Variants in COL6A3 observed in about 807,000 individuals in gnomAD.
The protein encoded by COL6A3 is collagen alpha-3(VI) chain.
Under a neutral mutation model 274.1 loss-of-function variants are expected in COL6A3, and 137 were observed. The ratio of observed to expected loss-of-function variants is 0.50; its 90% CI spans 0.44 to 0.58. The LOEUF is 0.58. Ranked by LOEUF, COL6A3 falls within the 20% of genes least tolerant of loss-of-function variation. COL6A3 has a pLI of 0.00. For synonymous variants in COL6A3, 1,650 were observed against 1,650.6 expected (o/e 1.00, Z 0.01); for missense variants, 3,950 against 4,124.9 (o/e 0.96, Z 1.16).
intron 42 of COL6A3, among the ~76,000 whole-genome samples, chr2:237,331,772 C>T (rs1700240243): frequency 6.6e-6 from 1 of 150,624 alleles, no homozygotes; most frequent in South Asian, 2.1e-4. Context: ...AAGGAAAACA[C>T]ACATATGCAT....
intron 3 of COL6A3, among the ~76,000 whole-genome samples, chr2:237,394,204 C>T (rs758980030): frequency 6.6e-6 from 1 of 152,196 alleles, no homozygotes; most frequent in African/African-American, 2.4e-5. Flanking sequence ...ACGCACTCTC[C>T]AACAGGGAGC....
intron 11 of COL6A3, 118 bp downstream of exon 11, chr2:237,366,569 A>C: frequency 6.7e-7 from 1 of 1,499,672 alleles, no homozygotes; most frequent in Non-Finnish European, 9.3e-7. Flanking sequence ...GGTATAAGTA[A>C]ATGTATGAAG....
At position 237,378,947 on chromosome 2, in the gene COL6A3, T is replaced by C; in HGVS notation, c.2186A>G (p.Asn729Ser). ...TGSALSYVYA[N>S]HFTEAGGSRI... ...GCTGCCGCCAGCTTCCGTGAAGTGG[T>C]TGGCATAGACATAGCTTAGGGCTGA... The change falls in exon 6 of 44, where the codon AAC becomes AGC. Residue 729 changes from asparagine to serine, a missense_variant. Physicochemically the swap from Asn to Ser is conservative, Grantham distance 46. Coordinates refer to ENST00000295550, the MANE Select transcript of COL6A3 (RefSeq NM_004369.4). 1.2e-6 allele frequency: 2 copies of C among 1,614,208 alleles called. No homozygotes were observed. Among genetic ancestry groups the C allele is most frequent in the South Asian group, 1.1e-5 (1 of 91,082 alleles).
Position 237,368,790 on chromosome 2 carries a change from C to G in COL6A3, c.4673G>C (p.Arg1558Thr), listed in dbSNP as rs761417401. Residue 1558 changes from arginine to threonine, a missense_variant, in exon 10 of 44, where the codon AGG becomes ACG. By Grantham distance (71) the Arg-to-Thr change is moderately conservative (BLOSUM62 -1). Transcript: ENST00000295550. This position sits in a 1 kb window ranked among gnomAD's most constrained non-coding sequence, Gnocchi z 4.4. ...LGGKSQDDVS[R>T]FAQVIRSSGI... ...CGAGGAACGGATCACCTGGGCGAACCTGGACACATCGTCCTGGGATTTTCC... is the reference window on the plus strand; with the variant it reads ...CGAGGAACGGATCACCTGGGCGAACGTGGACACATCGTCCTGGGATTTTCC... 1 of 1,614,182 alleles carries G rather than the reference C, an allele frequency of 6.2e-7. No individual in the cohort carries two copies. Among genetic ancestry groups the G allele is most frequent in the Non-Finnish European group, 8.5e-7 (1 of 1,180,020 alleles).
At chr2:237,335,987 C>A (rs1198409819) in intron 40 of COL6A3, 148 bp downstream of exon 40, 5 of 1,022,830 alleles carry the variant, frequency 4.9e-6, no homozygotes, top group Non-Finnish European at 5.7e-6. Context: ...AATCCCTAAC[C>A]AACACCTCTT....
At chr2:237,337,397 A>G (rs1202173703) in intron 39 of COL6A3, among the ~76,000 whole-genome samples, 2 of 152,186 alleles carry the variant, frequency 1.3e-5, no homozygotes, top group African/African-American at 2.4e-5. Context: ...TGCCACGATA[A>G]GGGTCCTAGT....
At chr2:237,387,288 C>CGGTG (rs2078167697) in intron 4 of COL6A3, among the ~76,000 whole-genome samples, 2 of 152,300 alleles carry the variant, frequency 1.3e-5, no homozygotes, top group South Asian at 4.1e-4. Flanking sequence ...GTAGTTAATA[C>CGGTG]GGTGATGTTT....
rs1368065977 is a variant in COL6A3, at chr2:237,340,961, C to A, written c.7955G>T (p.Ser2652Ile). Residue 2652 changes from serine to isoleucine, a missense_variant, in exon 38 of 44, where the codon AGC (serine) becomes ATC (isoleucine). Physicochemically the swap from Ser to Ile is moderately radical, Grantham distance 142. This residue lies in a region of COL6A3 where 1,284 missense variants were observed against 1,349.7 expected (regional missense o/e 0.95). Transcript: ENST00000295550. ...GTGCTGGGAGGCCTTGGGATCTGGGCTCATGTCCAGTTGTCTGACCAGGTA... is the reference window on the plus strand; with the variant it reads ...GTGCTGGGAGGCCTTGGGATCTGGGATCATGTCCAGTTGTCTGACCAGGTA... ...IAYLVRQLDM[S>I]PDPKASQHFA... is the part of the protein sequence containing the mutation. 2 of 1,614,012 alleles carry A rather than the reference C, an allele frequency of 1.2e-6. No homozygotes were observed. The highest frequency in any genetic ancestry group is 4.5e-5 in the East Asian group (2 of 44,876).
At chr2:237,379,299 C>A in intron 5 of COL6A3, 64 bp from the exon 6 acceptor site, 4 of 1,595,256 alleles carry the variant, frequency 2.5e-6, no homozygotes, top group Non-Finnish European at 3.4e-6. Flanking sequence ...ATCATGTGTG[C>A]CTACAACACG....
chr2:237,355,067 C>A, intron 23 of COL6A3, 133 bp from the exon 24 acceptor site: 2 of 825,832 alleles, frequency 2.4e-6, no homozygotes, highest in Non-Finnish European at 4.0e-6. Context: ...CCACATCGTG[C>A]CAAGAACCAG....
chr2:237,379,390 G>A (rs1018893294), intron 5 of COL6A3, among the ~76,000 whole-genome samples, 155 bp from the exon 6 acceptor site: 1 of 152,186 alleles, frequency 6.6e-6, no homozygotes, highest in Non-Finnish European at 1.5e-5. Flanking sequence ...GCAGATGGCT[G>A]CATATTTTCC....
Position 237,368,934 on chromosome 2 carries a change from C to A in COL6A3, c.4529G>T (p.Gly1510Val), listed in dbSNP as rs750636146. 4 of 1,614,090 alleles carry A rather than the reference C, an allele frequency of 2.5e-6. No individual in the cohort carries two copies. Among genetic ancestry groups the A allele is most frequent in the African/African-American group, 2.7e-5 (2 of 74,932 alleles). Residue 1510 changes from glycine to valine, a missense_variant, in exon 10 of 44, where the codon GGG becomes GTG. Around this residue, in one of 5 missense-constraint regions of COL6A3, gnomAD observed 1,934 missense variants for 1,984.3 expected, o/e 0.97. Transcript: ENST00000295550. This position sits in a 1 kb window ranked among gnomAD's most constrained non-coding sequence, Gnocchi z 4.4. ...LDAIRRLRLRGGSPLNTGKAL... is the reference protein window; with the variant it reads ...LDAIRRLRLRVGSPLNTGKAL... The stretch of plus-strand genomic sequence containing the variant: ...CTTGCCAGTGTTCAGTGGGGACCCC[C>A]CTCTGAGCCTCAGGCGCCGTATGGC...
chr2:237,387,201 A>G (rs1344219601), intron 4 of COL6A3, among the ~76,000 whole-genome samples: 1 of 152,170 alleles, frequency 6.6e-6, no homozygotes, highest in African/African-American at 2.4e-5. Context: ...TTAGAGCTCA[A>G]TGCCATAGTC....
intron 7 of COL6A3, 146 bp from the exon 8 acceptor site, chr2:237,375,166 T>A: frequency 8.0e-7 from 1 of 1,257,348 alleles, no homozygotes; most frequent in Non-Finnish European, 1.1e-6. Context: ...GTGATTCAGG[T>A]AAGGATTTGG....
Position 237,344,308 on chromosome 2 carries a change from C to T in COL6A3, c.7668+42G>A, listed in dbSNP as rs370911491. On this transcript the variant is annotated intron_variant, in intron 36 of 43. Coordinates refer to ENST00000295550, the MANE Select transcript of COL6A3 (RefSeq NM_004369.4). This position sits in a 1 kb window ranked among gnomAD's most constrained non-coding sequence, Gnocchi z 4.8. ...GTGTCTGAGAACCTTCTCAGAGCCC[C>T]AGAAGAAAGGGAGATGCCAACAGCA... is the stretch of plus-strand genomic sequence containing the variant. 5 of 1,613,778 alleles carry T rather than the reference C, an allele frequency of 3.1e-6. No homozygotes were observed. The African/African-American group carries it at 5.3e-5, about 17-fold the overall frequency.
At chr2:237,346,393 C>G (rs1171408018) in intron 32 of COL6A3, 110 bp downstream of exon 32, 1 of 927,122 alleles carries the variant, frequency 1.1e-6, no homozygotes, top group South Asian at 1.3e-5. Flanking sequence ...CAAGCAAATA[C>G]AAAGAGAGCA....
chr2:237,409,753 G>T (rs529311938), intron 1 of COL6A3, among the ~76,000 whole-genome samples: 91 of 152,262 alleles, frequency 6.0e-4, no homozygotes, highest in African/African-American at 2.2e-3. Flanking sequence ...AAGTATCAAA[G>T]GACATGTCAC....
chr2:237,347,964 A>G, intron 30 of COL6A3, 95 bp from the exon 31 acceptor site: 1 of 1,172,334 alleles, frequency 8.5e-7, no homozygotes, highest in Non-Finnish European at 1.2e-6. Context: ...CGTGTGGGTC[A>G]CACTTTTCCC....
rs116565519 is a variant in COL6A3 at position 237,366,799 on chromosome 2, C to T, written c.5388G>A (p.Ala1796=). ...VGKIASNSAT[A]FRVGNVQELS... ...GCTCCTGGACGTTGCCCACGCGGAA[C>T]GCTGTGGCGCTGTTGGACGCTATCT... The change falls in exon 11 of 44, where the codon GCG becomes GCA. Residue 1796 remains alanine, a synonymous_variant. Coordinates refer to ENST00000295550, the MANE Select transcript of COL6A3 (RefSeq NM_004369.4). 2.4e-5 allele frequency: 38 copies of T among 1,614,292 alleles called. 1 individual carries two copies. Among genetic ancestry groups the T allele is most frequent in the East Asian group, 2.2e-4 (10 of 44,894 alleles).
Sources: gnomAD v4.1 joint callset for allele counts (sites outside exome capture counted in the v4.1 genomes callset) on GRCh38, gnomAD v4.1.1 for gene constraint, gnomAD v4.1.1 regional missense constraint, Gnocchi (gnomAD v3.1) non-coding constraint, MANE v1.5 for transcripts, NCBI Gene and HGNC (gene_info 2026-07-23, HGNC 2026-07-21) for gene names.